The following PAN3 variants were observed in gnomAD, a reference collection of about 807,000 sequenced individuals.
PAN3 encodes the protein PAN2-PAN3 deadenylation complex subunit PAN3.
A neutral mutation model predicts 96.2 loss-of-function variants in PAN3; 19 were observed. The ratio of observed to expected loss-of-function variants is 0.20; its 90% CI spans 0.14 to 0.29. The LOEUF (loss-of-function observed/expected upper bound fraction) is 0.29. Among genes scored for constraint, PAN3 ranks in the 10% least tolerant of loss-of-function variants. The pLI is 1.00. For synonymous variants in PAN3, 433 were observed against 406.6 expected (o/e 1.06, Z -0.78); for missense variants, 882 against 1,108.1 (o/e 0.80, Z 2.90).
chr13:28,146,306 C>G (rs975357053), intron 1 of PAN3, among the ~76,000 whole-genome samples: 1 of 150,582 alleles, frequency 6.6e-6, no homozygotes, highest in Non-Finnish European at 1.5e-5. Flanking sequence ...CTCTGTCTCT[C>G]TCTCTCTCTC....
chr13:28,196,016 GTTTT>G (rs1199709442), intron 4 of PAN3, among the ~76,000 whole-genome samples: 2 of 146,972 alleles, frequency 1.4e-5, no homozygotes, highest in African/African-American at 2.5e-5. Flanking sequence ...CTGGCTATAG[GTTTT>G]TTTTTGTTTT....
intron 17 of PAN3, among the ~76,000 whole-genome samples, chr13:28,285,175 G>A (rs898719589): frequency 5.3e-5 from 8 of 152,156 alleles, no homozygotes; most frequent in African/African-American, 1.9e-4. Flanking sequence ...TAAATTTTAT[G>A]CTCTGGTACC....
rs567942112 is a variant in PAN3, at chr13:28,156,949, T to TG, written c.431-17320dup. Among the ~76,000 whole-genome samples the TG allele has an allele frequency of 3.2e-5, 4 of 124,954 alleles. No homozygotes were observed. The South Asian group carries it at 1.0e-3, about 31-fold the overall frequency. 82.0% of individuals were successfully genotyped at this position (124,954 alleles called of 152,430 possible). On this transcript the variant is annotated intron_variant, in intron 1 of 18. Coordinates refer to ENST00000380958, the MANE Select transcript of PAN3 (RefSeq NM_175854.8). The stretch of plus-strand genomic sequence containing the variant: ...GGCAGAGGTTGCAGTGAGCTGAGAT[T>TG]GGGCCATGGTACTCCAACCTGGGCA...
At chr13:28,156,141 TAATA>T (rs1340286303) in intron 1 of PAN3, among the ~76,000 whole-genome samples, 2 of 151,996 alleles carry the variant, frequency 1.3e-5, no homozygotes, top group East Asian at 1.9e-4. Flanking sequence ...TTATTTAATA[TAATA>T]AATAAGATTG....
At chr13:28,180,955 T>C (rs1486447378) in intron 4 of PAN3, among the ~76,000 whole-genome samples, 1 of 152,176 alleles carries the variant, frequency 6.6e-6, no homozygotes, top group Non-Finnish European at 1.5e-5. Flanking sequence ...ATTTAAATAT[T>C]TGATGATTGC....
intron 5 of PAN3, among the ~76,000 whole-genome samples, chr13:28,218,831 T>G (rs1176126854): frequency 7.9e-5 from 12 of 152,210 alleles, no homozygotes. Context: ...ATTTTCCTTA[T>G]GTAATTTTGC....
intron 9 of PAN3, among the ~76,000 whole-genome samples, chr13:28,262,208 A>G (rs1411092090): frequency 1.8e-4 from 27 of 152,224 alleles, no homozygotes; most frequent in Admixed American, 1.6e-3. Context: ...TTCAGGACCA[A>G]TGGCTGGTAA....
intron 6 of PAN3, among the ~76,000 whole-genome samples, chr13:28,221,633 T>A (rs916983200): frequency 6.6e-6 from 1 of 152,088 alleles, no homozygotes; most frequent in African/African-American, 2.4e-5. Flanking sequence ...CAGCGCCTCA[T>A]TTCCCCACCA....
At chr13:28,281,100 C>T (rs535805417) in intron 16 of PAN3, among the ~76,000 whole-genome samples, 2 of 152,214 alleles carry the variant, frequency 1.3e-5, no homozygotes, top group South Asian at 4.2e-4. Context: ...GTTACTTTTC[C>T]AATTCCTATG....
At chr13:28,149,567 A>G (rs1304157978) in intron 1 of PAN3, among the ~76,000 whole-genome samples, 2 of 152,078 alleles carry the variant, frequency 1.3e-5, no homozygotes, top group Admixed American at 1.3e-4. Flanking sequence ...ATGTAATAAA[A>G]TTATATTGTT....
chr13:28,186,736 G>A (rs777080579), intron 4 of PAN3, among the ~76,000 whole-genome samples: 11 of 152,146 alleles, frequency 7.2e-5, no homozygotes, highest in Non-Finnish European at 1.6e-4. Flanking sequence ...AGACTGAGGT[G>A]GGAGGTTTGA....
intron 9 of PAN3, among the ~76,000 whole-genome samples, chr13:28,265,152 C>G (rs981173186): frequency 6.6e-6 from 1 of 152,188 alleles, no homozygotes; most frequent in African/African-American, 2.4e-5. Context: ...ACCAATCATT[C>G]AAATACAAAC....
chr13:28,146,016 C>T (rs1323638862), intron 1 of PAN3, among the ~76,000 whole-genome samples: 2 of 152,052 alleles, frequency 1.3e-5, no homozygotes, highest in Non-Finnish European at 2.9e-5. Context: ...CTGCCTCAGC[C>T]TCCCAAAGTG....
At chr13:28,276,524 G>A (rs1428433833) in intron 14 of PAN3, among the ~76,000 whole-genome samples, 1 of 152,184 alleles carries the variant, frequency 6.6e-6, no homozygotes, top group African/African-American at 2.4e-5. Flanking sequence ...CCTTTTAGAA[G>A]GAAAGCCTCA....
chr13:28,144,235 G>A (rs868328232), intron 1 of PAN3, among the ~76,000 whole-genome samples: 13 of 25,648 alleles, frequency 5.1e-4, no homozygotes, highest in African/African-American at 1.4e-3. Flanking sequence ...TTTTTTTTTT[G>A]ATATGGAGTC....
intron 1 of PAN3, among the ~76,000 whole-genome samples, chr13:28,174,029 G>T (rs1025328404): frequency 1.3e-5 from 2 of 152,178 alleles, no homozygotes; most frequent in African/African-American, 4.8e-5. Context: ...TATTGTGCCT[G>T]GGGGCTATTT....
intron 6 of PAN3, among the ~76,000 whole-genome samples, chr13:28,223,871 ATTTTTTTTTTTT>A (rs560571140): frequency 1.3e-5 from 1 of 75,010 alleles, no homozygotes; most frequent in Admixed American, 1.4e-4. Flanking sequence ...ATGAAAAGTG[ATTTTTTTTTTTT>A]TTTTTTTTTT....
intron 14 of PAN3, among the ~76,000 whole-genome samples, chr13:28,275,464 G>A (rs984918749): frequency 2.6e-4 from 40 of 152,152 alleles, no homozygotes; most frequent in African/African-American, 9.4e-4. Flanking sequence ...TGCTTGAAGA[G>A]TTGGAAGACT....
intron 5 of PAN3, among the ~76,000 whole-genome samples, chr13:28,206,319 T>TC (rs1358522363): frequency 0.011 from 1,254 of 115,354 alleles, 13 homozygotes; most frequent in African/African-American, 0.034. Flanking sequence ...AACTGACTTT[T>TC]TTTTTTTTTT....
Sources: allele counts gnomAD v4.1 joint callset (sites outside exome capture counted in the v4.1 genomes callset), GRCh38; gene constraint gnomAD v4.1.1; transcripts MANE v1.5; gene names NCBI Gene and HGNC (gene_info 2026-07-23, HGNC 2026-07-21).